MEF2C: variants seen among roughly 807,000 people sequenced by gnomAD.
MEF2C encodes myocyte-specific enhancer factor 2C.
MEF2C carries 6 observed loss-of-function variants against 50.5 expected under a neutral mutation model. That is an observed-to-expected ratio of 0.12 (90% CI 0.07 to 0.23). The LOEUF is 0.23. MEF2C is among the 10% of genes least tolerant of loss of function. MEF2C has a pLI of 1.00. For synonymous variants in MEF2C, 183 were observed against 228.0 expected (o/e 0.80, Z 1.78); for missense variants, 276 against 605.0 (o/e 0.46, Z 5.70).
Position 88,719,371 on chromosome 5 carries a change from C to A in MEF2C, c.*3233G>T, listed in dbSNP as rs190222240. The A allele has an allele frequency of 6.6e-5, 10 of 152,194 alleles. No individual in the cohort carries two copies. The highest frequency in any genetic ancestry group is 2.2e-4 in the African/African-American group (9 of 41,458). 9.4% of individuals were successfully genotyped at this position (152,194 alleles called of 1,614,324 possible). ...GTTGAAATAAACAGCCTCCACGCAG[C>A]AATGCATACAATATACAGGTTGTGC... On this transcript the variant is annotated 3_prime_UTR_variant, in exon 11 of 11. Coordinates refer to ENST00000504921, the MANE Select transcript of MEF2C (RefSeq NM_002397.5).
At chr5:88,855,610 C>T (rs57223374) in intron 1 of MEF2C, among the ~76,000 whole-genome samples, 4 of 152,108 alleles carry the variant, frequency 2.6e-5, no homozygotes, top group Non-Finnish European at 5.9e-5. Context: ...GTGGAGATAA[C>T]TGAATCATAG....
At chr5:88,834,388 G>A (rs191233751) in intron 1 of MEF2C, among the ~76,000 whole-genome samples, 7 of 152,196 alleles carry the variant, frequency 4.6e-5, no homozygotes, top group Admixed American at 3.9e-4. Context: ...TAATATCACA[G>A]ATATCAATGA....
upstream of MEF2C, among the ~76,000 whole-genome samples, chr5:88,885,364 A>T (rs1026456585): frequency 6.6e-6 from 1 of 152,248 alleles, no homozygotes. Context: ...ACAATCTTCA[A>T]GTTCCAGCTC....
rs548193970 is a variant in MEF2C, at chr5:88,729,382, T to A, written c.835-35A>T. On this transcript the variant is annotated intron_variant, in intron 8 of 10. Transcript: ENST00000504921. ...TAAATAAAAAGACATTACTGATGAA[T>A]TTTTTTAAAAGTTAAAAATATTAGA... is the stretch of plus-strand genomic sequence containing the variant. 20 of 1,540,072 alleles carry A rather than the reference T, an allele frequency of 1.3e-5. No homozygotes were observed. In the East Asian group the frequency reaches 1.5e-4, roughly 11 times the overall value.
At chr5:88,823,612 T>C (rs1221630932) in intron 2 of MEF2C, 123 bp downstream of exon 2, 1 of 912,770 alleles carries the variant, frequency 1.1e-6, no homozygotes, top group African/African-American at 1.7e-5. Flanking sequence ...ACTGGTCACA[T>C]TTAATTAACC....
chr5:88,877,059 C>T (rs1293816096), intron 1 of MEF2C, among the ~76,000 whole-genome samples: 2 of 151,980 alleles, frequency 1.3e-5, no homozygotes, highest in Non-Finnish European at 2.9e-5. Flanking sequence ...GAATCCCAAC[C>T]ACTTGCAGGA....
chr5:88,810,450 C>A (rs1336837117), intron 2 of MEF2C, among the ~76,000 whole-genome samples: 1 of 151,918 alleles, frequency 6.6e-6, no homozygotes, highest in Non-Finnish European at 1.5e-5. Flanking sequence ...ATAAAAAAGT[C>A]TGAAGATAAA....
intron 2 of MEF2C, among the ~76,000 whole-genome samples, chr5:88,816,294 T>C (rs1407100091): frequency 6.6e-6 from 1 of 151,870 alleles, no homozygotes; most frequent in African/African-American, 2.4e-5. Context: ...ATATAAAATA[T>C]CATGCACCGA....
Position 88,869,298 on chromosome 5 carries a change from C to CAT in MEF2C, c.-143+13655_-143+13656dup, listed in dbSNP as rs201507162. Reference sequence around the variant, plus strand: ...ATATACATATATATATATATATACACATATATATATATATATACACATATA... The same window carrying CAT: ...ATATACATATATATATATATATACACATATATATATATATATATACACATATA... On this transcript the variant is annotated intron_variant, in intron 1 of 10. Transcript: ENST00000504921. 7.0e-3 allele frequency among the ~76,000 whole-genome samples: 710 copies of CAT among 101,112 alleles called. 17 individuals are homozygous for CAT. Among genetic ancestry groups the CAT allele is most frequent in the African/African-American group, 0.022 (582 of 26,904 alleles). 66.3% of individuals were successfully genotyped at this position (101,112 alleles called of 152,430 possible). A position where few individuals can be genotyped will look rare whatever the true frequency, so the allele number is the denominator to read the frequency against.
chr5:88,742,128 G>C, intron 6 of MEF2C: 1 of 985,352 alleles, frequency 1.0e-6, no homozygotes, highest in Non-Finnish European at 1.2e-6. Flanking sequence ...GAGTGAGAAA[G>C]TCCCTGGTAA....
intron 1 of MEF2C, among the ~76,000 whole-genome samples, chr5:88,874,965 T>A (rs1336365542): frequency 6.6e-6 from 1 of 151,934 alleles, no homozygotes; most frequent in Admixed American, 6.6e-5. Flanking sequence ...ATAATCTGAT[T>A]GCACCTCATA....
intron 1 of MEF2C, among the ~76,000 whole-genome samples, chr5:88,852,418 T>C (rs1488304278): frequency 6.6e-6 from 1 of 152,198 alleles, no homozygotes; most frequent in Non-Finnish European, 1.5e-5. Flanking sequence ...TTCAGAGTAG[T>C]GGTCTCTCTA....
intron 1 of MEF2C, among the ~76,000 whole-genome samples, chr5:88,849,999 A>G (rs1046240443): frequency 6.6e-6 from 1 of 152,104 alleles, no homozygotes; most frequent in Non-Finnish European, 1.5e-5. Context: ...GGTTAGTTAC[A>G]TATGTATACA....
At chr5:88,762,239 T>C (rs1462616721) in intron 3 of MEF2C, among the ~76,000 whole-genome samples, 1 of 152,146 alleles carries the variant, frequency 6.6e-6, no homozygotes, top group Non-Finnish European at 1.5e-5. Flanking sequence ...TAATGTAACA[T>C]TGTAACAGAA....
chr5:88,746,481 GA>G (rs1769708512), intron 6 of MEF2C: 2 of 970,612 alleles, frequency 2.1e-6, no homozygotes, highest in Non-Finnish European at 2.4e-6. Flanking sequence ...ACTTGATTTA[GA>G]AAAAAACTGC....
chr5:88,780,203 T>C (rs550605422), intron 3 of MEF2C, among the ~76,000 whole-genome samples: 2 of 152,248 alleles, frequency 1.3e-5, no homozygotes, highest in South Asian at 4.2e-4. Context: ...TTCTTTAATA[T>C]AAATAAAATC....
rs535285808 is a variant in MEF2C at position 88,780,709 on chromosome 5, G to A, written c.259-19381C>T. 9.4e-5 allele frequency: 87 copies of A among 930,128 alleles called. No individual in the cohort carries two copies. The African/African-American group carries it at 1.5e-3, about 16-fold the overall frequency. 57.6% of individuals were successfully genotyped at this position (930,128 alleles called of 1,614,324 possible). A position where few individuals can be genotyped will look rare whatever the true frequency, so the allele number is the denominator to read the frequency against. On this transcript the variant is annotated intron_variant, in intron 3 of 10. Coordinates refer to ENST00000504921, the MANE Select transcript of MEF2C (RefSeq NM_002397.5). ...TAACAATATCATCACACTAAGCATT[G>A]TTGACTGACTAATACTTCAATGAAA...
chr5:88,884,292 C>G (rs566507671), upstream of MEF2C: 6 of 152,378 alleles, frequency 3.9e-5, no homozygotes, highest in Admixed American at 6.5e-5. Context: ...AGCCACTTCT[C>G]TCTTCCACCG....
intron 1 of MEF2C, among the ~76,000 whole-genome samples, chr5:88,879,513 A>G (rs1832158637): frequency 6.6e-6 from 1 of 151,956 alleles, no homozygotes; most frequent in African/African-American, 2.4e-5. Context: ...ATGGATATTG[A>G]CTATTATGCA....
Sources: allele counts gnomAD v4.1 joint callset (sites outside exome capture counted in the v4.1 genomes callset), GRCh38; gene constraint gnomAD v4.1.1; transcripts MANE v1.5; gene names NCBI Gene and HGNC (gene_info 2026-07-23, HGNC 2026-07-21).